Variants in CDH13 observed in about 807,000 individuals in gnomAD.
CDH13 encodes the protein cadherin 13.
A neutral mutation model predicts 63.8 loss-of-function variants in CDH13; 24 were observed. The observed-to-expected ratio is 0.38, with a 90% CI of 0.27 to 0.53. The LOEUF (loss-of-function observed/expected upper bound fraction) is 0.53, where lower values mean the gene tolerates loss of function less well. Among genes scored for constraint, CDH13 ranks in the 20% least tolerant of loss-of-function variants. The pLI is 0.85. For missense variants in CDH13, 1,049 were observed against 903.1 expected, an observed-to-expected ratio of 1.16 and a Z score of -2.07; for synonymous variants, 503 against 355.3, an observed-to-expected ratio of 1.42 and a Z score of -4.67.
intron 4 of CDH13, among the ~76,000 whole-genome samples, chr16:83,178,174 C>G (rs1026054534): frequency 2.6e-5 from 4 of 152,060 alleles, no homozygotes; most frequent in Non-Finnish European, 5.9e-5. Context: ...GTTTTTCAGC[C>G]TCAGAACTAT....
chr16:83,208,501 A>G (rs149732102), intron 4 of CDH13, among the ~76,000 whole-genome samples: 2 of 152,200 alleles, frequency 1.3e-5, no homozygotes, highest in Admixed American at 1.3e-4. Flanking sequence ...CGTAGAGTAG[A>G]AAACATCTTC....
At chr16:82,736,164 A>G (rs985424944) in intron 1 of CDH13, among the ~76,000 whole-genome samples, 5 of 152,198 alleles carry the variant, frequency 3.3e-5, no homozygotes, top group Non-Finnish European at 5.9e-5. Flanking sequence ...ACTGGTCAAA[A>G]TCTCGAAGCC....
At chr16:83,615,377 A>T (rs1329575774) in intron 8 of CDH13, among the ~76,000 whole-genome samples, 5 of 152,114 alleles carry the variant, frequency 3.3e-5, no homozygotes, top group African/African-American at 1.2e-4. Context: ...GACTCAAGTG[A>T]CTTTTCTGGA....
At chr16:83,179,509 G>T (rs559623022) in intron 4 of CDH13, among the ~76,000 whole-genome samples, 2 of 88,862 alleles carry the variant, frequency 2.3e-5, no homozygotes, top group East Asian at 2.5e-4. Flanking sequence ...AAAATTAGCC[G>T]GGCGTGGTGG....
chr16:83,400,040 C>T (rs1333539228), intron 6 of CDH13, among the ~76,000 whole-genome samples: 2 of 152,004 alleles, frequency 1.3e-5, no homozygotes, highest in Admixed American at 6.5e-5. Context: ...TTTTCTTAAT[C>T]GTTCCCTTAT....
At chr16:83,580,143 G>A (rs1350459810) in intron 7 of CDH13, among the ~76,000 whole-genome samples, 1 of 152,166 alleles carries the variant, frequency 6.6e-6, no homozygotes, top group African/African-American at 2.4e-5. Context: ...GAGTTTAAAT[G>A]TTATCCTGGT....
At chr16:82,886,335 G>A (rs1371181981) in intron 2 of CDH13, among the ~76,000 whole-genome samples, 2 of 152,152 alleles carry the variant, frequency 1.3e-5, no homozygotes, top group African/African-American at 4.8e-5. Flanking sequence ...CACAGTGCCT[G>A]GTGTTTGCAT....
At position 82,865,723 on chromosome 16, in the gene CDH13, C is replaced by A. The variant is rs961724792; in HGVS notation, c.157+7250C>A. ...TCCCTCTTACCCACCAGCCCTGTTA[C>A]ACCATTGACTTGGCGATTAACATTT... is the stretch of plus-strand genomic sequence containing the variant. On this transcript the variant is annotated intron_variant, in intron 2 of 13. Coordinates refer to ENST00000567109, the MANE Select transcript of CDH13 (RefSeq NM_001257.5). Among the ~76,000 whole-genome samples the A allele has an allele frequency of 3.9e-5, 6 of 152,322 alleles. No homozygotes were observed. The South Asian group carries it at 1.2e-3, about 32-fold the overall frequency.
In CDH13 at chr16:83,217,404, T is replaced by TC. The variant is rs1456771163; in HGVS notation, c.544dup (p.Gln182ProfsTer4). ...TCCGGCTCACTGGAAAGGGAGTGGATCAAGAGCCTAAAGGAATTTTCAGAA... is the reference window on the plus strand; with the variant it reads ...TCCGGCTCACTGGAAAGGGAGTGGATCCAAGAGCCTAAAGGAATTTTCAGAA... On this transcript the variant is annotated frameshift_variant, in exon 5 of 14. Coordinates refer to ENST00000567109, the MANE Select transcript of CDH13 (RefSeq NM_001257.5). LOFTEE classifies it high-confidence loss of function. 1.2e-6 allele frequency: 2 copies of TC among 1,613,838 alleles called. No homozygotes were observed. Among genetic ancestry groups the TC allele is most frequent in the Non-Finnish European group, 1.7e-6 (2 of 1,179,844 alleles).
intron 6 of CDH13, among the ~76,000 whole-genome samples, chr16:83,353,340 G>A (rs1304547657): frequency 6.6e-6 from 1 of 152,188 alleles, no homozygotes; most frequent in Non-Finnish European, 1.5e-5. Context: ...TAGCCATTGG[G>A]ATTTCCCTCC....
chr16:83,434,433 T>C (rs764889368), intron 6 of CDH13, among the ~76,000 whole-genome samples: 8 of 152,138 alleles, frequency 5.3e-5, no homozygotes, highest in Non-Finnish European at 1.2e-4. Flanking sequence ...AAGCAGTGTC[T>C]ATCTCTGGCG....
intron 5 of CDH13, among the ~76,000 whole-genome samples, chr16:83,247,348 T>G (rs1351452857): frequency 6.6e-6 from 1 of 152,130 alleles, no homozygotes; most frequent in Non-Finnish European, 1.5e-5. Flanking sequence ...AGTGGCTGAG[T>G]TGCAAAGAGC....
At chr16:82,941,000 G>A (rs944822801) in intron 2 of CDH13, among the ~76,000 whole-genome samples, 2 of 152,166 alleles carry the variant, frequency 1.3e-5, no homozygotes, top group African/African-American at 4.8e-5. Context: ...GGGCTGAAAT[G>A]TTGCTTTGTA....
At chr16:83,257,369 G>A (rs948739662) in intron 5 of CDH13, among the ~76,000 whole-genome samples, 2 of 152,080 alleles carry the variant, frequency 1.3e-5, no homozygotes, top group Non-Finnish European at 2.9e-5. Flanking sequence ...ATTTATATAA[G>A]GAGTATTCAA....
intron 5 of CDH13, among the ~76,000 whole-genome samples, chr16:83,264,730 C>T (rs1220590887): frequency 6.6e-6 from 1 of 151,696 alleles, no homozygotes; most frequent in Non-Finnish European, 1.5e-5. Flanking sequence ...GACAACACCC[C>T]TCTAAACTCC....
chr16:83,608,849 C>T (rs563240239), intron 8 of CDH13, among the ~76,000 whole-genome samples: 18 of 152,022 alleles, frequency 1.2e-4, no homozygotes, highest in Admixed American at 9.8e-4. Context: ...TAATTAACTG[C>T]CTAATACAAC....
intron 11 of CDH13, among the ~76,000 whole-genome samples, chr16:83,751,736 C>T (rs1347555278): frequency 6.6e-6 from 1 of 152,180 alleles, no homozygotes; most frequent in Non-Finnish European, 1.5e-5. Context: ...AAGGAAGAAA[C>T]AAATCTTTGT....
intron 2 of CDH13, among the ~76,000 whole-genome samples, chr16:82,875,064 C>G (rs970069261): frequency 5.9e-5 from 9 of 152,220 alleles, no homozygotes; most frequent in Admixed American, 1.3e-4. Flanking sequence ...CTGCACATGA[C>G]AGCTTTGATT....
At chr16:82,893,461 T>C (rs182288433) in intron 2 of CDH13, among the ~76,000 whole-genome samples, 9 of 152,344 alleles carry the variant, frequency 5.9e-5, no homozygotes, top group Admixed American at 5.9e-4. Context: ...TCATTGTTAA[T>C]CTACAAGTGT....
Sources: allele counts gnomAD v4.1 joint callset (sites outside exome capture counted in the v4.1 genomes callset), GRCh38; gene constraint gnomAD v4.1.1; transcripts MANE v1.5; gene names NCBI Gene and HGNC (gene_info 2026-07-23, HGNC 2026-07-21).